Variants in MRPL42 observed in about 807,000 individuals in gnomAD.
The protein encoded by MRPL42 is mitochondrial ribosomal protein L42, also known as large ribosomal subunit protein mL42.
A neutral mutation model predicts 17.9 loss-of-function variants in MRPL42; 17 were observed. That is an observed-to-expected ratio of 0.95 (90% CI 0.65 to 1.42). The LOEUF is 1.42. MRPL42 is among the 40% of genes most tolerant of loss of function. The probability of loss-of-function intolerance (pLI) is 0.00; values close to 1 mark genes in which losing one functional copy is unlikely to be tolerated. For synonymous variants in MRPL42, 59 were observed against 54.4 expected, an observed-to-expected ratio of 1.08 and a Z score of -0.37; for missense variants, 177 against 175.2, an observed-to-expected ratio of 1.01 and a Z score of -0.06.
Position 93,483,360 on chromosome 12 carries a change from A to G in MRPL42, c.219+3888A>G, listed in dbSNP as rs1255706201. On this transcript the variant is annotated intron_variant, in intron 4 of 5. Transcript: ENST00000549982. The stretch of plus-strand genomic sequence containing the variant: ...AATTTCATTGTTACGTGAACATCAT[A>G]GAGTGTCACTTACGCAAACCTAGAT... Among the ~76,000 whole-genome samples the G allele has an allele frequency of 2.0e-5, 3 of 152,216 alleles. No homozygotes were observed. In the South Asian group the frequency reaches 6.2e-4, roughly 32 times the overall value.
chr12:93,473,948 TA>T lies in MRPL42; in HGVS notation c.71-3005del, dbSNP rs149937667. ...ATCACTTTTTAATGTGTAGGCACTA[TA>T]GGGGACACAGTAATGAACAAGGTAC... On this transcript the variant is annotated intron_variant, in intron 2 of 5. Transcript: ENST00000549982. Among the ~76,000 whole-genome samples the T allele has an allele frequency of 3.4e-3, 519 of 152,278 alleles. 3 individuals carry two copies. The highest frequency in any genetic ancestry group is 0.012 in the African/African-American group (500 of 41,550).
Position 93,512,933 on chromosome 12 carries a change from C to T in MRPL42, c.*11712C>T, listed in dbSNP as rs543737236. 2.7e-4 allele frequency: 41 copies of T among 152,308 alleles called. No individual in the cohort carries two copies. Among genetic ancestry groups the T allele is most frequent in the African/African-American group, 8.2e-4 (34 of 41,572 alleles). 9.4% of individuals were successfully genotyped at this position (152,308 alleles called of 1,614,324 possible). ...AAAAATGAATTTTGAAAATACCACA[C>T]CACTTGCTTCATTTTGGATAAAAGT... On this transcript the variant is annotated 3_prime_UTR_variant, in exon 6 of 6. Coordinates refer to ENST00000549982, the MANE Select transcript of MRPL42 (RefSeq NM_014050.4).
At chr12:93,486,152 T>C (rs1483074784) in intron 4 of MRPL42, among the ~76,000 whole-genome samples, 4 of 152,088 alleles carry the variant, frequency 2.6e-5, no homozygotes, top group Admixed American at 6.6e-5. Flanking sequence ...TTAAAGTCTT[T>C]AGTGAGTCAC....
chr12:93,474,041 G>A (rs1880038405), intron 2 of MRPL42, among the ~76,000 whole-genome samples: 1 of 152,162 alleles, frequency 6.6e-6, no homozygotes, highest in Non-Finnish European at 1.5e-5. Flanking sequence ...CACTAAGAAT[G>A]CCCAGAATAT....
intron 5 of MRPL42, among the ~76,000 whole-genome samples, chr12:93,489,471 A>G (rs961016254): frequency 2.0e-5 from 3 of 152,060 alleles, no homozygotes; most frequent in African/African-American, 4.8e-5. Flanking sequence ...GGCAGGCAAC[A>G]TAGTCTTTCA....
At position 93,485,007 on chromosome 12, in the gene MRPL42, T is replaced by C. The variant is rs35420854; in HGVS notation, c.220-2490T>C. Among the ~76,000 whole-genome samples the C allele has an allele frequency of 6.1e-3, 291 of 47,586 alleles. 27 individuals carry two copies. Among genetic ancestry groups the C allele is most frequent in the African/African-American group, 0.015 (139 of 9,318 alleles). The allele number at this position is 47,586 out of a possible 152,430, so 31.2% of individuals were successfully genotyped here. On this transcript the variant is annotated intron_variant, in intron 4 of 5. Coordinates refer to ENST00000549982, the MANE Select transcript of MRPL42 (RefSeq NM_014050.4). ...ATATATATATATATATATATATATATATATATATATATATATATATAAACA... is the reference window on the plus strand; with the variant it reads ...ATATATATATATATATATATATATACATATATATATATATATATATAAACA...
rs1346210479 is a variant in MRPL42, at chr12:93,508,399, C to G, written c.*7178C>G. The G allele has an allele frequency of 6.6e-6, 1 of 152,538 alleles. No individual in the cohort carries two copies. The highest frequency in any genetic ancestry group is 6.5e-5 in the Admixed American group (1 of 15,278). The allele number at this position is 152,538 out of a possible 1,614,324, so 9.4% of individuals were successfully genotyped here. On this transcript the variant is annotated 3_prime_UTR_variant, in exon 6 of 6. Coordinates refer to ENST00000549982, the MANE Select transcript of MRPL42 (RefSeq NM_014050.4). ...TGAGCCATGATTGTGCCACTGCACTCTAGGCTGGGCAACAGAACAAGCACC... is the reference window on the plus strand; with the variant it reads ...TGAGCCATGATTGTGCCACTGCACTGTAGGCTGGGCAACAGAACAAGCACC...
At chr12:93,482,237 C>T (rs1414225156) in intron 4 of MRPL42, among the ~76,000 whole-genome samples, 1 of 152,102 alleles carries the variant, frequency 6.6e-6, no homozygotes, top group Non-Finnish European at 1.5e-5. Flanking sequence ...GGTCTTTTTC[C>T]TTATTTGTTA....
intron 2 of MRPL42, among the ~76,000 whole-genome samples, chr12:93,472,444 T>TAC (rs1378577685): frequency 2.6e-5 from 4 of 152,082 alleles, no homozygotes; most frequent in African/African-American, 9.6e-5. Flanking sequence ...GGCGAGGTGG[T>TAC]ACACGCCTGT....
intron 1 of MRPL42, among the ~76,000 whole-genome samples, chr12:93,467,839 C>T (rs961390179): frequency 1.8e-4 from 28 of 152,286 alleles, no homozygotes; most frequent in African/African-American, 6.5e-4. Flanking sequence ...TAGCCTGTTC[C>T]TCAAACCTCT....
At chr12:93,470,822 TG>T (rs1375819778) in intron 2 of MRPL42, among the ~76,000 whole-genome samples, 7 of 152,388 alleles carry the variant, frequency 4.6e-5, no homozygotes, top group African/African-American at 1.7e-4. Context: ...TAATAATCCA[TG>T]GTATGCATAT....
rs1953667758 is a variant in MRPL42 at position 93,506,258 on chromosome 12, C to CTATTTTT, written c.*5038_*5039insATTTTTT. 1 of 85,172 alleles carries CTATTTTT rather than the reference C, an allele frequency of 1.2e-5. No homozygotes were observed. The highest frequency in any genetic ancestry group is 2.2e-5 in the Non-Finnish European group (1 of 45,696). The allele number at this position is 85,172 out of a possible 1,614,324, so 5.3% of individuals were successfully genotyped here. ...TGAGTCTTCAATTCAGCAAGAATGT[C>CTATTTTT]TCTTTTTTTTTTTTTTTTTTTTTTG... On this transcript the variant is annotated 3_prime_UTR_variant, in exon 6 of 6. Transcript: ENST00000549982.
chr12:93,495,517 G>A (rs1438993540), intron 5 of MRPL42, among the ~76,000 whole-genome samples: 1 of 152,102 alleles, frequency 6.6e-6, no homozygotes, highest in Non-Finnish European at 1.5e-5. Flanking sequence ...TTACAAGCTT[G>A]TAATCCTGGC....
At chr12:93,476,242 A>G (rs1445668809) in intron 2 of MRPL42, among the ~76,000 whole-genome samples, 1 of 152,084 alleles carries the variant, frequency 6.6e-6, no homozygotes, top group Non-Finnish European at 1.5e-5. Context: ...GCTGGAGTGC[A>G]ATAGCATGAT....
At chr12:93,475,873 T>C (rs1475301140) in intron 2 of MRPL42, among the ~76,000 whole-genome samples, 2 of 151,650 alleles carry the variant, frequency 1.3e-5, no homozygotes, top group Admixed American at 6.6e-5. Context: ...CCCAGCTACT[T>C]GGGAGGCTGA....
At chr12:93,493,834 A>G (rs1284296643) in intron 5 of MRPL42, among the ~76,000 whole-genome samples, 67 of 1,662 alleles carry the variant, frequency 0.04, no homozygotes, top group Non-Finnish European at 0.064. Flanking sequence ...TCTGTAGTAC[A>G]CAAAACAAGA....
chr12:93,497,003 C>T (rs1190194494), intron 5 of MRPL42, among the ~76,000 whole-genome samples: 1 of 152,078 alleles, frequency 6.6e-6, no homozygotes, highest in East Asian at 1.9e-4. Context: ...AACATACAAC[C>T]TCGCATGTTT....
At chr12:93,478,303 A>G (rs528314255) in intron 3 of MRPL42, among the ~76,000 whole-genome samples, 5 of 152,036 alleles carry the variant, frequency 3.3e-5, no homozygotes, top group Admixed American at 6.6e-5. Context: ...ACTGGAGTGC[A>G]GTGGCGCTAT....
intron 4 of MRPL42, among the ~76,000 whole-genome samples, chr12:93,480,617 C>T (rs1017364242): frequency 2.0e-5 from 3 of 151,432 alleles, no homozygotes; most frequent in African/African-American, 7.3e-5. Flanking sequence ...TCTCGGCTCA[C>T]AGCAGCCTCT....
Sources: gnomAD v4.1 joint callset for allele counts (sites outside exome capture counted in the v4.1 genomes callset) on GRCh38, gnomAD v4.1.1 for gene constraint, MANE v1.5 for transcripts, NCBI Gene and HGNC (gene_info 2026-07-23, HGNC 2026-07-21) for gene names.